The following MID1 variants were observed in gnomAD, a reference collection of about 807,000 sequenced individuals.
MID1 encodes the protein midline 1.
MID1 carries 7 observed loss-of-function variants against 40.4 expected under a neutral mutation model. The observed-to-expected ratio is 0.17, with a 90% confidence interval of 0.10 to 0.33. The LOEUF (loss-of-function observed/expected upper bound fraction) is 0.33, where lower values mean the gene tolerates loss of function less well. Ranked by LOEUF, MID1 falls within the 10% of genes least tolerant of loss-of-function variation. MID1 has a pLI of 1.00. For missense variants in MID1, 367 were observed against 558.5 expected (o/e 0.66, Z 3.46); for synonymous variants, 229 against 221.2 (o/e 1.04, Z -0.31).
intron 2 of MID1, among the ~76,000 whole-genome samples, chrX:10,537,018 C>G (rs1304367069): frequency 9.0e-6 from 1 of 111,325 alleles, no homozygotes. Context: ...GATGCTGCAC[C>G]TCGATCAGCT....
intron 2 of MID1, among the ~76,000 whole-genome samples, chrX:10,555,491 A>G (rs113757072): frequency 0.059 from 6,580 of 111,200 alleles, 275 homozygotes; most frequent in African/African-American, 0.14. Flanking sequence ...TTCTTATTAC[A>G]TGTTATAATG....
intron 1 of MID1, among the ~76,000 whole-genome samples, chrX:10,568,130 T>G (rs1934624427): frequency 8.9e-6 from 1 of 112,003 alleles, no homozygotes; most frequent in Non-Finnish European, 1.9e-5. Flanking sequence ...GGGCATGAAA[T>G]GTACATGAAA....
At chrX:10,537,247 C>T (rs1025569274) in intron 2 of MID1, among the ~76,000 whole-genome samples, 6 of 111,323 alleles carry the variant, frequency 5.4e-5, no homozygotes, top group African/African-American at 2.0e-4. Context: ...AGCAGAGGAT[C>T]CAGACTCATC....
chrX:10,724,712 T>G (rs1418210801), intron 1 of MID1, among the ~76,000 whole-genome samples: 1 of 112,282 alleles, frequency 8.9e-6, no homozygotes, highest in Non-Finnish European at 1.9e-5. Flanking sequence ...ATAGATGAGC[T>G]TTTCCTTTTT....
At chrX:10,459,599 G>A (rs1928899382) in intron 8 of MID1, 47 bp downstream of exon 8, 1 of 1,172,731 alleles carries the variant, frequency 8.5e-7, no homozygotes, top group African/African-American at 1.8e-5. Flanking sequence ...TCAGCTGAAA[G>A]AAGAGCAGAT....
intron 4 of MID1, among the ~76,000 whole-genome samples, chrX:10,492,587 G>A (rs1931010507): frequency 1.8e-5 from 2 of 112,076 alleles, no homozygotes; most frequent in Non-Finnish European, 3.8e-5. Flanking sequence ...GCCTTCTATA[G>A]CCCATGGCAT....
intron 9 of MID1, among the ~76,000 whole-genome samples, chrX:10,450,001 C>G (rs1010477762): frequency 4.6e-5 from 5 of 109,756 alleles, no homozygotes; most frequent in Non-Finnish European, 7.6e-5. Flanking sequence ...TTGAGTTTTG[C>G]TGCTTTTTTT....
At chrX:10,810,772 G>T (rs1389364920) in intron 1 of MID1, among the ~76,000 whole-genome samples, 2 of 109,145 alleles carry the variant, frequency 1.8e-5, no homozygotes, top group East Asian at 2.9e-4. Context: ...CTCATTGTGG[G>T]CTTGTTTGGA....
At chrX:10,532,943 G>A (rs887620996) in intron 2 of MID1, among the ~76,000 whole-genome samples, 2 of 109,876 alleles carry the variant, frequency 1.8e-5, no homozygotes, top group African/African-American at 3.3e-5. Context: ...GCTAATTTTC[G>A]TATTTTTTAG....
intron 1 of MID1, among the ~76,000 whole-genome samples, chrX:10,712,454 C>T (rs1205771079): frequency 9.0e-6 from 1 of 111,199 alleles, no homozygotes; most frequent in East Asian, 2.8e-4. Flanking sequence ...ACAATTTCAG[C>T]AAACTCACTG....
At chrX:10,452,519 G>A (rs1360823973) in intron 9 of MID1, among the ~76,000 whole-genome samples, 1 of 111,852 alleles carries the variant, frequency 8.9e-6, no homozygotes, top group South Asian at 3.7e-4. Flanking sequence ...CAATGTTAAC[G>A]TGCCCCATTG....
intron 7 of MID1, among the ~76,000 whole-genome samples, chrX:10,462,980 C>G (rs1929139375): frequency 9.0e-6 from 1 of 111,604 alleles, no homozygotes; most frequent in South Asian, 3.8e-4. Context: ...AACTACTTAG[C>G]CATTAAGGCT....
At chrX:10,628,974 T>C (rs917468220) in intron 1 of MID1, among the ~76,000 whole-genome samples, 4 of 111,489 alleles carry the variant, frequency 3.6e-5, no homozygotes, top group Non-Finnish European at 7.5e-5. Context: ...GCTGGCACCC[T>C]AGTTCAGATG....
At chrX:10,770,268 A>G (rs1010410855) in intron 1 of MID1, among the ~76,000 whole-genome samples, 3 of 112,319 alleles carry the variant, frequency 2.7e-5, no homozygotes, top group Non-Finnish European at 3.8e-5. Flanking sequence ...CCATTCATGT[A>G]ACACTCTATC....
At chrX:10,627,146 T>C (rs1366216098) in intron 1 of MID1, among the ~76,000 whole-genome samples, 2 of 112,095 alleles carry the variant, frequency 1.8e-5, no homozygotes, top group Non-Finnish European at 3.8e-5. Context: ...AAAAAGATAC[T>C]CTCTGGTTAT....
Position 10,744,193 on chromosome X carries a change from A to G in MID1, c.-187+89361T>C, listed in dbSNP as rs140054278. On this transcript the variant is annotated intron_variant, in intron 1 of 10. Coordinates refer to the MID1 transcript ENST00000380785. ...AGGGGCCACTGCTGTGGGTAAAATG[A>G]AAAGGAAGGCAGTCTTGTTAGGGAA... is the stretch of plus-strand genomic sequence containing the variant. Among the ~76,000 whole-genome samples, 18 of 111,868 alleles carry G rather than the reference A, an allele frequency of 1.6e-4. No individual in the cohort carries two copies. In the East Asian group the frequency reaches 4.2e-3, roughly 26 times the overall value.
chrX:10,494,771 C>CA (rs58092232), intron 4 of MID1, among the ~76,000 whole-genome samples: 1,284 of 31,539 alleles, frequency 0.041, 22 homozygotes, highest in Non-Finnish European at 0.069. Context: ...AAGACTGTCT[C>CA]AAAAAAAAAA....
intron 1 of MID1, among the ~76,000 whole-genome samples, chrX:10,650,436 A>C (rs1035616838): frequency 9.0e-6 from 1 of 110,536 alleles, no homozygotes; most frequent in African/African-American, 3.3e-5. Flanking sequence ...TTTCAGCCTA[A>C]AGTCCGGACC....
chrX:10,701,964 A>G (rs2043196471), intron 1 of MID1, among the ~76,000 whole-genome samples: 1 of 112,871 alleles, frequency 8.9e-6, no homozygotes, highest in African/African-American at 3.2e-5. Context: ...CATAGTTGCT[A>G]TGATTTTTAA....
Sources: allele counts gnomAD v4.1 joint callset (sites outside exome capture counted in the v4.1 genomes callset), GRCh38; gene constraint gnomAD v4.1.1; transcripts MANE v1.5; gene names NCBI Gene and HGNC (gene_info 2026-07-23, HGNC 2026-07-21).